The following CKAP2L variants were observed in gnomAD, a reference collection of about 807,000 sequenced individuals.
CKAP2L encodes the protein cytoskeleton associated protein 2L.
Under a neutral mutation model 65.7 loss-of-function variants are expected in CKAP2L, and 42 were observed. The observed-to-expected ratio is 0.64, with a 90% confidence interval of 0.50 to 0.83. CKAP2L has a LOEUF of 0.83. CKAP2L is among the 40% of genes least tolerant of loss of function. The pLI, the probability that CKAP2L is intolerant of heterozygous loss-of-function variation, is 0.00. For synonymous variants in CKAP2L, 325 were observed against 313.5 expected (o/e 1.04, Z -0.39); for missense variants, 908 against 871.0 (o/e 1.04, Z -0.53).
rs6731822 is a variant in CKAP2L at position 112,756,248 on chromosome 2, T to C, written c.1123A>G (p.Ile375Val). ...TSCVLQKSKA[I>V]SQRPNLTVGR... ...ACTGTCAAATTAGGCCTCTGGCTTATGGCTTTTGACTTTTGCAGTACACAT... is the reference window on the plus strand; with the variant it reads ...ACTGTCAAATTAGGCCTCTGGCTTACGGCTTTTGACTTTTGCAGTACACAT... The change falls in exon 4 of 9, where the codon ATA (isoleucine) becomes GTA (valine). Residue 375 changes from isoleucine to valine, a missense_variant. Transcript: ENST00000302450. 1,538,817 of 1,614,134 alleles carry C rather than the reference T, an allele frequency of 0.95. 733,694 individuals are homozygous for C. The highest frequency in any genetic ancestry group is 1 in the East Asian group (44,878 of 44,884).
rs764996857 is a variant in CKAP2L at position 112,756,192 on chromosome 2, G to A, written c.1179C>T (p.Thr393=). 2 of 1,614,068 alleles carry A rather than the reference G, an allele frequency of 1.2e-6. No homozygotes were observed. The highest frequency in any genetic ancestry group is 4.5e-5 in the East Asian group (2 of 44,878). ...VGRFNSAIPS[T]PSIRPNGTSG... ...TGGTTCCATTTGGTCTTATGCTAGGGGTGCTTGGAATGGCTGAATTAAATC... is the reference window on the plus strand; with the variant it reads ...TGGTTCCATTTGGTCTTATGCTAGGAGTGCTTGGAATGGCTGAATTAAATC... The change falls in exon 4 of 9, where the codon ACC becomes ACT. Residue 393 remains threonine, a synonymous_variant. Transcript: ENST00000302450.
At chr2:112,753,317 T>C (rs1274679754) in intron 4 of CKAP2L, among the ~76,000 whole-genome samples, 1 of 152,174 alleles carries the variant, frequency 6.6e-6, no homozygotes, top group Non-Finnish European at 1.5e-5. Context: ...CTGCATCTGT[T>C]ACAAATTTTT....
chr2:112,762,564 G>A lies in CKAP2L; in HGVS notation c.43C>T (p.Arg15Trp), dbSNP rs764319867. The A allele has an allele frequency of 1.1e-5, 18 of 1,612,886 alleles. No homozygotes were observed. The highest frequency in any genetic ancestry group is 5.5e-5 in the South Asian group (5 of 91,060). ...AGGTACTCCTGAAGCTTTCTCTGCCGCTCTTCTGCAACACAGGCAAGCAAA... is the reference window on the plus strand; with the variant it reads ...AGGTACTCCTGAAGCTTTCTCTGCCACTCTTCTGCAACACAGGCAAGCAAA... ...GPTAAAAVEE[R>W]QRKLQEYLAA... The change falls in exon 2 of 9, where the codon CGG becomes TGG. Residue 15 changes from arginine (R) to tryptophan (W), a missense_variant. Physicochemically the swap from Arg to Trp is moderately radical, Grantham distance 101. Coordinates refer to ENST00000302450, the MANE Select transcript of CKAP2L (RefSeq NM_152515.5).
intron 8 of CKAP2L, 137 bp from the exon 9 acceptor site, chr2:112,739,185 C>T: frequency 1.5e-6 from 1 of 686,098 alleles, no homozygotes; most frequent in Non-Finnish European, 2.4e-6. Flanking sequence ...TCTAGAGCAG[C>T]TTTCATCTTC....
rs754912723 is a variant in CKAP2L at position 112,740,889 on chromosome 2, C to T, written c.1941G>A (p.Ala647=). The T allele has an allele frequency of 1.2e-5, 19 of 1,613,834 alleles. No individual in the cohort carries two copies. Among genetic ancestry groups the T allele is most frequent in the Admixed American group, 3.3e-5 (2 of 59,994 alleles). The stretch of plus-strand genomic sequence containing the variant: ...GTTCTGCCTTGGCTATTCGGGGTGT[C>T]GCCGTGACTTGTTCCCTCTCTTTTG... ...LSPKEREQVT[A]TPRIAKAEQH... is the part of the protein sequence containing the mutation. The change falls in exon 8 of 9, where the codon GCG becomes GCA. Residue 647 remains alanine (A), a synonymous_variant. Transcript: ENST00000302450.
chr2:112,763,944 A>AAAC (rs1680810903), intron 1 of CKAP2L: 1 of 152,724 alleles, frequency 6.5e-6, no homozygotes, highest in Non-Finnish European at 1.5e-5. Flanking sequence ...AACAGGAATA[A>AAAC]TGGATGAAAC....
intron 8 of CKAP2L, among the ~76,000 whole-genome samples, chr2:112,739,523 G>C (rs1478703783): frequency 6.6e-6 from 1 of 152,078 alleles, no homozygotes; most frequent in African/African-American, 2.4e-5. Flanking sequence ...TATGAAGTGT[G>C]GTTTTTATTT....
At position 112,738,558 on chromosome 2, in the gene CKAP2L, ATATT is replaced by A. The variant is rs1679555516; in HGVS notation, c.*261_*264del. The A allele has an allele frequency of 6.9e-6, 3 of 434,414 alleles. No individual in the cohort carries two copies. In the South Asian group the frequency reaches 8.9e-5, roughly 13 times the overall value. 26.9% of individuals were successfully genotyped at this position (434,414 alleles called of 1,614,324 possible). A position where few individuals can be genotyped will look rare whatever the true frequency, so the allele number is the denominator to read the frequency against. On this transcript the variant is annotated 3_prime_UTR_variant, in exon 9 of 9. Coordinates refer to ENST00000302450, the MANE Select transcript of CKAP2L (RefSeq NM_152515.5). Reference sequence around the variant, plus strand: ...ATTAAAGTAGATCAATAAAGTATAAATATTTATCATAGTTGTAGGGTAAATATTC... The same window carrying A: ...ATTAAAGTAGATCAATAAAGTATAAATATCATAGTTGTAGGGTAAATATTC...
At chr2:112,754,898 A>G (rs936906312) in intron 4 of CKAP2L, among the ~76,000 whole-genome samples, 3 of 152,204 alleles carry the variant, frequency 2.0e-5, no homozygotes, top group African/African-American at 7.2e-5. Flanking sequence ...CTTAGGTCTC[A>G]GCTCAGACAT....
intron 1 of CKAP2L, chr2:112,764,113 G>T: frequency 9.0e-6 from 2 of 221,542 alleles, no homozygotes; most frequent in South Asian, 5.2e-5. Context: ...CAGGCTGAGA[G>T]GTGTGGAGTG....
At chr2:112,762,728 C>G (rs933144492) in intron 1 of CKAP2L, among the ~76,000 whole-genome samples, 159 bp from the exon 2 acceptor site, 2 of 151,958 alleles carry the variant, frequency 1.3e-5, no homozygotes, top group Non-Finnish European at 2.9e-5. Flanking sequence ...AAGCTAACAT[C>G]AACATCAACA....
rs973998754 is a variant in CKAP2L, at chr2:112,738,975, C to T, written c.2086G>A (p.Ala696Thr). The change falls in exon 9 of 9, where the codon GCA becomes ACA. Residue 696 changes from alanine (A) to threonine (T), a missense_variant. Ala to Thr is a moderately conservative substitution (Grantham distance 58, BLOSUM62 0). Transcript: ENST00000302450. ...AGCATTTCTGGGTAGCGGGACACTG[C>T]TCGCTCAATCCTCGACGAACGCCGT... ...PVRRSSRIERAVSRYPEMLQE... is the reference protein window; with the variant it reads ...PVRRSSRIERTVSRYPEMLQE... The T allele has an allele frequency of 1.1e-5, 18 of 1,614,122 alleles. No homozygotes were observed. In the South Asian group the frequency reaches 1.2e-4, roughly 11 times the overall value.
At chr2:112,751,341 G>A (rs1329640846) in intron 5 of CKAP2L, among the ~76,000 whole-genome samples, 2 of 152,050 alleles carry the variant, frequency 1.3e-5, no homozygotes, top group Admixed American at 6.5e-5. Flanking sequence ...TTCATTTCTC[G>A]ACATACCTAT....
chr2:112,756,277 G>A lies in CKAP2L; in HGVS notation c.1094C>T (p.Thr365Ile), dbSNP rs1381341728. ...TTTTGACTTTTGCAGTACACATGATGTCTGAGGTATACAAACTTGGCTGGA... is the reference window on the plus strand; with the variant it reads ...TTTTGACTTTTGCAGTACACATGATATCTGAGGTATACAAACTTGGCTGGA... ...QKSSQVCIPQTSCVLQKSKAI... is the reference protein window; with the variant it reads ...QKSSQVCIPQISCVLQKSKAI... The change falls in exon 4 of 9, where the codon ACA becomes ATA. Residue 365 changes from threonine to isoleucine, a missense_variant. Thr to Ile is a moderately conservative substitution (Grantham distance 89). Transcript: ENST00000302450. The A allele has an allele frequency of 6.8e-6, 11 of 1,613,964 alleles. No individual in the cohort carries two copies. Among genetic ancestry groups the A allele is most frequent in the Middle Eastern group, 1.6e-4 (1 of 6,084 alleles).
rs999472249 is a variant in CKAP2L at position 112,755,919 on chromosome 2, G to A, written c.1394+58C>T. ...GCCTATTTCCTGACCTAGTCTTCTT[G>A]ATGGTCAATTTGCCTAATCATCTTA... On this transcript the variant is annotated intron_variant, in intron 4 of 8. Coordinates refer to ENST00000302450, the MANE Select transcript of CKAP2L (RefSeq NM_152515.5). 2.7e-6 allele frequency: 4 copies of A among 1,479,014 alleles called. No individual in the cohort carries two copies. The African/African-American group carries it at 5.6e-5, about 21-fold the overall frequency. The allele number at this position is 1,479,014 out of a possible 1,614,324, so 91.6% of individuals were successfully genotyped here.
intron 4 of CKAP2L, among the ~76,000 whole-genome samples, chr2:112,754,768 A>G (rs1574334066): frequency 6.6e-6 from 1 of 152,276 alleles, no homozygotes; most frequent in East Asian, 1.9e-4. Flanking sequence ...CTGTTGTCTG[A>G]CCTAGGCTGA....
chr2:112,757,211 T>G lies in CKAP2L; in HGVS notation c.160A>C (p.Ile54Leu). 6.4e-7 allele frequency: 1 copy of G among 1,572,112 alleles called. No homozygotes were observed. The highest frequency in any genetic ancestry group is 8.6e-7 in the Non-Finnish European group (1 of 1,161,124). Residue 54 changes from isoleucine (I) to leucine (L), a missense_variant, in exon 4 of 9, where the codon ATT becomes CTT. Physicochemically the swap from Ile to Leu is conservative, Grantham distance 5. Transcript: ENST00000302450. ...CQNQPPSKST[I>L]RPKNDVTNHV... ...TTGGTAACATCATTTTTGGGTCTAA[T>G]AGTCTGAAAAAACAAAGAAAATACA...
At chr2:112,764,200 G>T (rs1158987132) in intron 1 of CKAP2L, 10 of 327,118 alleles carry the variant, frequency 3.1e-5, no homozygotes, top group Non-Finnish European at 5.8e-5. Context: ...GCCCGGCTCT[G>T]CCTGGAGCCA....
At chr2:112,761,095 A>T (rs564682323) in intron 2 of CKAP2L, among the ~76,000 whole-genome samples, 1 of 152,268 alleles carries the variant, frequency 6.6e-6, no homozygotes, top group African/African-American at 2.4e-5. Context: ...TCATTCACAC[A>T]TCATTCCTGG....
Sources: gnomAD v4.1 joint callset for allele counts (sites outside exome capture counted in the v4.1 genomes callset) on GRCh38, gnomAD v4.1.1 for gene constraint, MANE v1.5 for transcripts, NCBI Gene and HGNC (gene_info 2026-07-23, HGNC 2026-07-21) for gene names.